DMD: variants seen among roughly 807,000 people sequenced by gnomAD.
The protein encoded by DMD is dystrophin, also known as mutant dystrophin.
A neutral mutation model predicts 330.1 loss-of-function variants in DMD; 63 were observed. That is an observed-to-expected ratio of 0.19 (90% confidence interval 0.16 to 0.24). The LOEUF is 0.24. DMD is among the 10% of genes least tolerant of loss of function. The probability of loss-of-function intolerance (pLI) is 1.00; values close to 1 mark genes in which losing one functional copy is unlikely to be tolerated. For missense variants in DMD, 3,344 were observed against 2,684.1 expected (o/e 1.25, Z -5.43); for synonymous variants, 1,223 against 959.8 (o/e 1.27, Z -5.07).
At chrX:32,521,593 C>T (rs898938258) in intron 17 of DMD, among the ~76,000 whole-genome samples, 4 of 112,300 alleles carry the variant, frequency 3.6e-5, no homozygotes, top group African/African-American at 1.3e-4. Context: ...AATTCAGGCA[C>T]TTGTTCTGAA....
intron 74 of DMD, among the ~76,000 whole-genome samples, chrX:31,157,972 TA>T (rs922093318): frequency 3.2e-4 from 33 of 103,024 alleles, no homozygotes; most frequent in African/African-American, 9.8e-4. Context: ...CCTGGCTAAT[TA>T]AAAAAAAAAA....
At chrX:32,817,049 A>C (rs779300484) in intron 5 of DMD, among the ~76,000 whole-genome samples, 5 of 108,801 alleles carry the variant, frequency 4.6e-5, no homozygotes, top group Non-Finnish European at 7.5e-5. Flanking sequence ...TTGTTTTTTA[A>C]AGTATATGTT....
At chrX:32,724,985 C>T (rs771399240) in intron 7 of DMD, among the ~76,000 whole-genome samples, 6 of 111,502 alleles carry the variant, frequency 5.4e-5, no homozygotes, top group South Asian at 7.3e-4. Context: ...CAGCTTAGTG[C>T]GTAAATAACA....
At chrX:31,471,242 GC>G (rs1254356733) in intron 59 of DMD, among the ~76,000 whole-genome samples, 4 of 111,695 alleles carry the variant, frequency 3.6e-5, no homozygotes, top group African/African-American at 9.8e-5. Flanking sequence ...CCAAACAGCT[GC>G]CCAATTTTGT....
At chrX:32,236,426 T>C (rs1038682060) in intron 43 of DMD, among the ~76,000 whole-genome samples, 4 of 112,063 alleles carry the variant, frequency 3.6e-5, no homozygotes, top group Admixed American at 2.8e-4. Context: ...TTTTTACTTG[T>C]TCCAGTCCGA....
At chrX:33,257,369 A>G (rs1262941468) in intron 1 of DMD, among the ~76,000 whole-genome samples, 1 of 110,726 alleles carries the variant, frequency 9.0e-6, no homozygotes, top group Non-Finnish European at 1.9e-5. Flanking sequence ...GCTGAAACCA[A>G]TGTGATTTTC....
At chrX:32,864,640 T>C (rs948097425) in intron 2 of DMD, among the ~76,000 whole-genome samples, 9 of 111,663 alleles carry the variant, frequency 8.1e-5, no homozygotes, top group Non-Finnish European at 1.5e-4. Flanking sequence ...AAATTCCTAT[T>C]GTTATATCAT....
At chrX:32,495,540 C>T (rs764904848) in intron 19 of DMD, among the ~76,000 whole-genome samples, 6 of 111,462 alleles carry the variant, frequency 5.4e-5, no homozygotes, top group Admixed American at 9.6e-5. Context: ...ACTTAATGTA[C>T]CTCTCTTCAA....
chrX:32,651,721 C>T (rs1233523021), intron 9 of DMD, among the ~76,000 whole-genome samples: 1 of 111,730 alleles, frequency 9.0e-6, no homozygotes, highest in African/African-American at 3.3e-5. Flanking sequence ...TTTCACACTG[C>T]ATGTCTGTAT....
intron 60 of DMD, among the ~76,000 whole-genome samples, chrX:31,434,467 CACACACAT>C (rs2064364682): frequency 1.0e-5 from 1 of 99,198 alleles, no homozygotes; most frequent in Non-Finnish European, 2.0e-5. Flanking sequence ...CACACACACA[CACACACAT>C]TTAGGTCCTT....
intron 1 of DMD, among the ~76,000 whole-genome samples, chrX:33,055,712 C>T (rs1459141897): frequency 9.0e-6 from 1 of 111,100 alleles, no homozygotes; most frequent in Non-Finnish European, 1.9e-5. Flanking sequence ...ATTTTTATCC[C>T]CCTGGCTCTG....
At chrX:32,841,625 GTTAA>G (rs1362082286) in intron 4 of DMD, among the ~76,000 whole-genome samples, 1 of 111,852 alleles carries the variant, frequency 8.9e-6, no homozygotes, top group Admixed American at 9.5e-5. Flanking sequence ...TAAATGGTGT[GTTAA>G]TTAGACTTCA....
intron 1 of DMD, among the ~76,000 whole-genome samples, chrX:33,059,180 C>A (rs776357192): frequency 9.0e-6 from 1 of 111,456 alleles, no homozygotes; most frequent in Non-Finnish European, 1.9e-5. Context: ...TTACTTATGA[C>A]TGGAGATTGC....
chrX:32,394,124 T>TA (rs397736309), intron 30 of DMD, among the ~76,000 whole-genome samples: 1 of 111,333 alleles, frequency 9.0e-6, no homozygotes, highest in African/African-American at 3.3e-5. Flanking sequence ...TGATTTTTTT[T>TA]AAATGTAAGA....
In DMD at chrX:32,337,017, G is replaced by A. The variant is rs780960714; in HGVS notation, c.5922+5083C>T. 1.5e-3 allele frequency among the ~76,000 whole-genome samples: 163 copies of A among 111,260 alleles called. 1 individual carries two copies. Among genetic ancestry groups the A allele is most frequent in the Non-Finnish European group, 2.1e-3 (111 of 53,006 alleles). On this transcript the variant is annotated intron_variant, in intron 41 of 78. Transcript: ENST00000357033. ...TGATCTCATTAACTCCTTAGAAGGAGCTCTCTGCCTTCACCAGGAGAAATA... is the reference window on the plus strand; with the variant it reads ...TGATCTCATTAACTCCTTAGAAGGAACTCTCTGCCTTCACCAGGAGAAATA...
chrX:31,814,462 G>A (rs1245544062), intron 50 of DMD, among the ~76,000 whole-genome samples: 4 of 79,093 alleles, frequency 5.1e-5, no homozygotes, highest in Middle Eastern at 0.01. Flanking sequence ...CAGCCTGGGC[G>A]ACAGAGTGAG....
chrX:31,609,439 C>G, intron 55 of DMD, among the ~76,000 whole-genome samples: 1 of 109,721 alleles, frequency 9.1e-6, no homozygotes, highest in Non-Finnish European at 1.9e-5. Flanking sequence ...GTAAGACAAC[C>G]AGAGCAAAAA....
At chrX:33,218,591 A>G (rs2052102460) in intron 1 of DMD, among the ~76,000 whole-genome samples, 1 of 111,436 alleles carries the variant, frequency 9.0e-6, no homozygotes, top group South Asian at 3.8e-4. Context: ...GCGTCTAAGC[A>G]TGAGTTTCTT....
chrX:32,724,262 C>T (rs1020617130), intron 7 of DMD, among the ~76,000 whole-genome samples: 2 of 111,149 alleles, frequency 1.8e-5, no homozygotes, highest in East Asian at 2.8e-4. Flanking sequence ...TGAAACTAAA[C>T]GAGGTGAATA....
Sources: allele counts gnomAD v4.1 joint callset (sites outside exome capture counted in the v4.1 genomes callset), GRCh38; gene constraint gnomAD v4.1.1; transcripts MANE v1.5; gene names NCBI Gene and HGNC (gene_info 2026-07-23, HGNC 2026-07-21).